Variants in NAF1 observed in about 807,000 individuals in gnomAD.
NAF1 encodes the protein H/ACA ribonucleoprotein complex non-core subunit NAF1.
Under a neutral mutation model 40.6 loss-of-function variants are expected in NAF1, and 11 were observed. The observed-to-expected ratio is 0.27, with a 90% CI of 0.17 to 0.45. The LOEUF is 0.45. Among genes scored for constraint, NAF1 ranks in the 20% least tolerant of loss-of-function variants. NAF1 has a pLI of 1.00. For synonymous variants in NAF1, 260 were observed against 228.5 expected (o/e 1.14, Z -1.24); for missense variants, 607 against 611.1 (o/e 0.99, Z 0.07).
rs545265914 is a variant in NAF1 at position 163,139,344 on chromosome 4, T to A, written c.878+879A>T. On this transcript the variant is annotated intron_variant, in intron 5 of 7. Transcript: ENST00000274054. ...TGTCAAACTGAGTGCAAAGTCTTTCTGGATTTAACCTTCCCCCAGTCTTTG... is the reference window on the plus strand; with the variant it reads ...TGTCAAACTGAGTGCAAAGTCTTTCAGGATTTAACCTTCCCCCAGTCTTTG... Among the ~76,000 whole-genome samples the A allele has an allele frequency of 2.0e-5, 3 of 152,268 alleles. 1 individual carries two copies. In the South Asian group the frequency reaches 6.2e-4, roughly 32 times the overall value.
intron 2 of NAF1, among the ~76,000 whole-genome samples, chr4:163,114,954 T>C (rs6845885): frequency 0.36 from 55,201 of 151,882 alleles, 11,250 homozygotes; most frequent in East Asian, 0.63. Context: ...TAAGTTTTTC[T>C]AGAAATTTGA....
At chr4:163,106,454 A>C (rs193148270), downstream of NAF1, among the ~76,000 whole-genome samples, 5 of 152,318 alleles carry the variant, frequency 3.3e-5, no homozygotes, top group Middle Eastern at 3.4e-3. Flanking sequence ...CATATTAGAA[A>C]GTGCCTATAT....
intron 2 of NAF1, among the ~76,000 whole-genome samples, chr4:163,112,804 G>A (rs1311234953): frequency 1.3e-5 from 2 of 152,194 alleles, no homozygotes; most frequent in East Asian, 1.9e-4. Context: ...TACTGAGGAG[G>A]GATAGTGAAA....
At chr4:163,127,015 C>T (rs765437163), downstream of NAF1, 13 of 1,551,434 alleles carry the variant, frequency 8.4e-6, no homozygotes, top group South Asian at 2.4e-5. Flanking sequence ...AGCATGTAAA[C>T]GTAACTTTTA....
chr4:163,144,830 T>A (rs1226764650), intron 4 of NAF1, among the ~76,000 whole-genome samples: 1 of 152,150 alleles, frequency 6.6e-6, no homozygotes. Flanking sequence ...TCAAATGTAG[T>A]GGGAAATACA....
rs561933935 is a variant in NAF1, at chr4:163,114,266, T to C, written c.115-3976A>G. On this transcript the variant is annotated intron_variant, in intron 2 of 2. Coordinates refer to the NAF1 transcript ENST00000509434. ...GAGGAAATGGCAATAAAGCACTTAG[T>C]AGTCAGCAGGTCCAGAAGCTGGGCA... 1.9e-4 allele frequency among the ~76,000 whole-genome samples: 29 copies of C among 152,314 alleles called. No homozygotes were observed. The South Asian group carries it at 5.8e-3, about 30-fold the overall frequency.
chr4:163,127,350 G>A (rs145291790), downstream of NAF1, among the ~76,000 whole-genome samples: 2 of 152,026 alleles, frequency 1.3e-5, no homozygotes, highest in African/African-American at 4.8e-5. Flanking sequence ...GGCTGGTCTC[G>A]AACTCCTGAC....
At chr4:163,122,449 C>T (rs1730543700), downstream of NAF1, among the ~76,000 whole-genome samples, 2 of 152,184 alleles carry the variant, frequency 1.3e-5, no homozygotes, top group African/African-American at 4.8e-5. Context: ...GAGACCTGTA[C>T]ACAGGCACCA....
At chr4:163,163,344 A>G (rs1732304467) in intron 2 of NAF1, among the ~76,000 whole-genome samples, 1 of 152,210 alleles carries the variant, frequency 6.6e-6, no homozygotes, top group East Asian at 1.9e-4. Flanking sequence ...TCCATTCATG[A>G]AAAAGGCTCC....
chr4:163,166,493 G>T lies in NAF1; in HGVS notation c.235C>A (p.Pro79Thr), dbSNP rs1193416572. The change falls in exon 1 of 8, where the codon CCG becomes ACG. Residue 79 changes from proline to threonine, a missense_variant. Transcript: ENST00000274054. ...PVLNAVAAGT[P>T]APQPQPPAES... The stretch of plus-strand genomic sequence containing the variant: ...GCCGGTGGCTGTGGCTGCGGCGCCG[G>T]GGTCCCGGCCGCGACGGCGTTCAGA... 2 of 1,599,396 alleles carry T rather than the reference G, an allele frequency of 1.3e-6. No homozygotes were observed. Among genetic ancestry groups the T allele is most frequent in the African/African-American group, 2.7e-5 (2 of 74,612 alleles).
chr4:163,133,052 T>C, intron 7 of NAF1, 102 bp downstream of exon 7: 1 of 953,372 alleles, frequency 1.0e-6, no homozygotes, highest in South Asian at 1.6e-5. Flanking sequence ...TGCTAGGAGG[T>C]AAACAGAGAG....
At chr4:163,163,275 C>G (rs1008880489) in intron 2 of NAF1, among the ~76,000 whole-genome samples, 1 of 152,034 alleles carries the variant, frequency 6.6e-6, no homozygotes, top group South Asian at 2.1e-4. Flanking sequence ...AAAGCATAAG[C>G]GAGACGAGAA....
At chr4:163,104,217 C>T in the NAF1 span, among the ~76,000 whole-genome samples, 3 of 152,096 alleles carry the variant, frequency 2.0e-5, no homozygotes, top group South Asian at 2.1e-4. Flanking sequence ...AGGAACCGGC[C>T]GTTTCCACTT....
chr4:163,138,676 T>G (rs558851767), intron 5 of NAF1, among the ~76,000 whole-genome samples: 2 of 152,222 alleles, frequency 1.3e-5, no homozygotes, highest in South Asian at 2.1e-4. Context: ...TTCTGCAATA[T>G]AGGTCTAATT....
intron 7 of NAF1, among the ~76,000 whole-genome samples, chr4:163,131,884 T>C (rs753560133): frequency 1.3e-5 from 2 of 152,118 alleles, no homozygotes; most frequent in Admixed American, 6.5e-5. Context: ...AATCCAGCAA[T>C]ACAATTTAAA....
intron 4 of NAF1, among the ~76,000 whole-genome samples, chr4:163,142,937 TA>T (rs1400421830): frequency 6.6e-6 from 1 of 152,104 alleles, no homozygotes; most frequent in East Asian, 1.9e-4. Flanking sequence ...CCACCCAACT[TA>T]GGGGATTCTG....
At position 163,140,318 on chromosome 4, in the gene NAF1, G is replaced by T. The variant is rs575910447; in HGVS notation, c.783C>A (p.His261Gln). Reference protein sequence around the residue: ...FYVLRFNSSDHIESKGIKIKE... With the variant: ...FYVLRFNSSDQIESKGIKIKE... ...TTATTTTAATACCTTTACTCTCAAT[G>T]TGATCTGAAGAATTAAACCGTAACA... Residue 261 changes from histidine (H) to glutamine (Q), a missense_variant, in exon 5 of 8, where the codon CAC becomes CAA. Physicochemically the swap from His to Gln is conservative, Grantham distance 24. This residue lies in a region of NAF1 where 407 missense variants were observed against 365.5 expected (regional missense o/e 1.11). Coordinates refer to ENST00000274054, the MANE Select transcript of NAF1 (RefSeq NM_138386.3). 3.1e-6 allele frequency: 5 copies of T among 1,608,410 alleles called. No individual in the cohort carries two copies. In the East Asian group the frequency reaches 6.7e-5, roughly 22 times the overall value.
intron 2 of NAF1, among the ~76,000 whole-genome samples, chr4:163,163,167 T>C (rs1732295793): frequency 6.6e-6 from 1 of 152,146 alleles, no homozygotes; most frequent in South Asian, 2.1e-4. Context: ...CTGGGAGCCT[T>C]TGTGTACAAA....
intron 7 of NAF1, 121 bp from the exon 8 acceptor site, chr4:163,129,469 G>T: frequency 6.6e-6 from 7 of 1,061,206 alleles, no homozygotes; most frequent in Non-Finnish European, 9.2e-6. Flanking sequence ...TTAAAAAAGT[G>T]TAAGACATAA....
Sources: allele counts gnomAD v4.1 joint callset (sites outside exome capture counted in the v4.1 genomes callset), GRCh38; gene constraint gnomAD v4.1.1; regional missense constraint gnomAD v4.1.1; transcripts MANE v1.5; gene names NCBI Gene and HGNC (gene_info 2026-07-23, HGNC 2026-07-21).